MRAP: variants seen among roughly 807,000 people sequenced by gnomAD.
MRAP encodes melanocortin-2 receptor accessory protein.
In MRAP, 8 loss-of-function variants were observed where a neutral mutation model predicts 8.7. The observed-to-expected ratio is 0.92, with a 90% CI of 0.54 to 1.66. The LOEUF (loss-of-function observed/expected upper bound fraction) is 1.66. Among genes scored for constraint, MRAP ranks in the 40% most tolerant of loss-of-function variants. The pLI is 0.00. For missense variants in MRAP, 237 were observed against 217.1 expected (o/e 1.09, Z -0.58); for synonymous variants, 95 against 95.5 (o/e 1.00, Z 0.03).
At chr21:32,310,129 C>T (rs2032522596) in intron 2 of MRAP, among the ~76,000 whole-genome samples, 1 of 152,216 alleles carries the variant, frequency 6.6e-6, no homozygotes, top group Non-Finnish European at 1.5e-5. Context: ...GCTGCCTCCA[C>T]CACGCCCAGC....
intron 1 of MRAP, chr21:32,306,407 C>G (rs1392055271): frequency 8.7e-6 from 5 of 576,378 alleles, no homozygotes; most frequent in Non-Finnish European, 1.6e-5. Context: ...AACAATCACC[C>G]TAAACAGACC....
At chr21:32,310,915 G>C (rs773346889) in intron 2 of MRAP, 2 of 152,246 alleles carry the variant, frequency 1.3e-5, no homozygotes, top group Non-Finnish European at 2.9e-5. Context: ...AAAGTGCTAG[G>C]ATTACAGGTG....
chr21:32,301,307 T>C (rs1258819563), intron 1 of MRAP, among the ~76,000 whole-genome samples: 1 of 152,176 alleles, frequency 6.6e-6, no homozygotes, highest in Non-Finnish European at 1.5e-5. Flanking sequence ...CTCTGATGTG[T>C]GATGTGTGGG....
At position 32,298,865 on chromosome 21, in the gene MRAP, T is replaced by C. The variant is rs1003619805; in HGVS notation, c.-107T>C. Reference sequence around the variant, plus strand: ...TGAGCCTAGAGACCCACAGACACACTTGGACGATTCCTGCAGAAATCAGTG... The same window carrying C: ...TGAGCCTAGAGACCCACAGACACACCTGGACGATTCCTGCAGAAATCAGTG... On this transcript the variant is annotated 5_prime_UTR_variant, in exon 1 of 3. Transcript: ENST00000303645. 3.8e-6 allele frequency: 3 copies of C among 799,238 alleles called. No individual in the cohort carries two copies. The highest frequency in any genetic ancestry group is 1.4e-5 in the South Asian group (1 of 69,856). 49.5% of individuals were successfully genotyped at this position (799,238 alleles called of 1,614,324 possible). A position where few individuals can be genotyped will look rare whatever the true frequency, so the allele number is the denominator to read the frequency against.
chr21:32,314,589 T>C (rs374776513), downstream of MRAP: 7 of 1,614,262 alleles, frequency 4.3e-6, no homozygotes, highest in Non-Finnish European at 5.9e-6. Flanking sequence ...TCAGAAGTGC[T>C]GCCTCAAACT....
At chr21:32,299,991 A>G (rs1339228982) in intron 1 of MRAP, among the ~76,000 whole-genome samples, 1 of 152,190 alleles carries the variant, frequency 6.6e-6, no homozygotes, top group Non-Finnish European at 1.5e-5. Flanking sequence ...ACAAAACAAA[A>G]ACAAAGCCTG....
chr21:32,306,405 C>T, intron 1 of MRAP: 1 of 572,128 alleles, frequency 1.7e-6, no homozygotes, highest in Non-Finnish European at 3.2e-6. Context: ...TTAACAATCA[C>T]CCTAAACAGA....
chr21:32,301,734 A>C (rs1402163226), intron 1 of MRAP, among the ~76,000 whole-genome samples: 1 of 152,124 alleles, frequency 6.6e-6, no homozygotes, highest in Non-Finnish European at 1.5e-5. Context: ...CTCTCAGGTC[A>C]ATATATCTGC....
intron 1 of MRAP, among the ~76,000 whole-genome samples, chr21:32,304,130 A>T (rs957902687): frequency 1.3e-5 from 2 of 152,190 alleles, no homozygotes; most frequent in Non-Finnish European, 2.9e-5. Flanking sequence ...TATTTTTAGG[A>T]AGGAAAAAGA....
chr21:32,314,604 C>T (rs1439147855), downstream of MRAP: 4 of 1,614,090 alleles, frequency 2.5e-6, no homozygotes, highest in African/African-American at 5.3e-5. Flanking sequence ...CAAACTCGAG[C>T]TATTTCCTGT....
chr21:32,299,675 G>A (rs1253146502), intron 1 of MRAP, among the ~76,000 whole-genome samples: 3 of 152,092 alleles, frequency 2.0e-5, no homozygotes, highest in South Asian at 2.1e-4. Flanking sequence ...TTTGTTTGGG[G>A]CTCCAATAAG....
chr21:32,308,913 G>C (rs1469965960), intron 2 of MRAP, among the ~76,000 whole-genome samples: 1 of 152,212 alleles, frequency 6.6e-6, no homozygotes, highest in Non-Finnish European at 1.5e-5. Context: ...TCAGCAGAGA[G>C]ATGAGCCAAA....
chr21:32,295,959 G>C (rs1348181490), upstream of MRAP, among the ~76,000 whole-genome samples: 1 of 152,146 alleles, frequency 6.6e-6, no homozygotes, highest in Admixed American at 6.5e-5. Context: ...CTGGACAACA[G>C]AGCAAGACTC....
chr21:32,295,538 A>G (rs755978205), upstream of MRAP, among the ~76,000 whole-genome samples: 12 of 152,216 alleles, frequency 7.9e-5, no homozygotes, highest in Non-Finnish European at 1.0e-4. Context: ...CAGCCTAACC[A>G]TCACTTGATG....
chr21:32,309,461 T>G (rs1261470704), intron 2 of MRAP, among the ~76,000 whole-genome samples: 1 of 150,168 alleles, frequency 6.7e-6, no homozygotes, highest in Admixed American at 6.6e-5. Flanking sequence ...TTTTTTTTTT[T>G]TGTTTTTGAG....
intron 1 of MRAP, among the ~76,000 whole-genome samples, chr21:32,300,951 TA>T (rs1005753291): frequency 1.3e-5 from 2 of 148,898 alleles, no homozygotes; most frequent in Non-Finnish European, 2.9e-5. Flanking sequence ...ATATCAATGA[TA>T]TATCATGATT....
intron 1 of MRAP, 152 bp from the exon 2 acceptor site, chr21:32,306,488 G>T: frequency 1.4e-6 from 1 of 705,000 alleles, no homozygotes; most frequent in Non-Finnish European, 2.6e-6. Flanking sequence ...TATTGTTAAT[G>T]GGAGATCTTC....
upstream of MRAP, among the ~76,000 whole-genome samples, chr21:32,294,259 C>T (rs866055981): frequency 1.3e-5 from 2 of 152,120 alleles, no homozygotes. Flanking sequence ...GGACTACAGG[C>T]GCCTGCCACC....
intron 1 of MRAP, 190 bp from the exon 2 acceptor site, chr21:32,306,450 T>C: frequency 1.5e-6 from 1 of 653,978 alleles, no homozygotes. Context: ...AAAAGACACT[T>C]CTTGGCTCCC....
Sources: allele counts gnomAD v4.1 joint callset (sites outside exome capture counted in the v4.1 genomes callset), GRCh38; gene constraint gnomAD v4.1.1; transcripts MANE v1.5; gene names NCBI Gene and HGNC (gene_info 2026-07-23, HGNC 2026-07-21).